STXBP6: variants seen among roughly 807,000 people sequenced by gnomAD.
STXBP6 encodes the protein syntaxin-binding protein 6.
In STXBP6, 21 loss-of-function variants were observed where a neutral mutation model predicts 26.9. The ratio of observed to expected loss-of-function variants is 0.78; its 90% CI spans 0.55 to 1.12. STXBP6 has a LOEUF of 1.12. Ranked by LOEUF, STXBP6 falls within the 50% of genes most tolerant of loss-of-function variation. STXBP6 has a pLI of 0.00. For synonymous variants in STXBP6, 97 were observed against 92.6 expected (o/e 1.05, Z -0.27); for missense variants, 232 against 257.9 (o/e 0.90, Z 0.69).
chr14:24,904,678 G>C (rs374544700), intron 2 of STXBP6, among the ~76,000 whole-genome samples: 12 of 152,254 alleles, frequency 7.9e-5, no homozygotes, highest in African/African-American at 2.4e-4. Flanking sequence ...TGACCACAGA[G>C]GAAAGGGCAT....
chr14:24,834,916 C>T (rs1052222844), intron 4 of STXBP6, among the ~76,000 whole-genome samples: 5 of 152,132 alleles, frequency 3.3e-5, no homozygotes, highest in African/African-American at 1.2e-4. Context: ...AAAAGTGCTT[C>T]TCAAGAGTTT....
rs905919780 is a variant in STXBP6 at position 24,987,881 on chromosome 14, C to T, written c.-32-13031G>A. ...GAGCAAAGCTGGAATAAGATACACA[C>T]TTACTCATTCAATATCACTGCATTG... On this transcript the variant is annotated intron_variant, in intron 1 of 5. Transcript: ENST00000323944. 7.1e-6 allele frequency: 7 copies of T among 985,288 alleles called. No individual in the cohort carries two copies. The African/African-American group carries it at 1.2e-4, about 17-fold the overall frequency. The allele number at this position is 985,288 out of a possible 1,614,324, so 61.0% of individuals were successfully genotyped here. A position where few individuals can be genotyped will look rare whatever the true frequency, so the allele number is the denominator to read the frequency against.
chr14:24,843,033 A>G (rs1440196170), intron 4 of STXBP6, among the ~76,000 whole-genome samples: 1 of 152,164 alleles, frequency 6.6e-6, no homozygotes, highest in African/African-American at 2.4e-5. Context: ...TTCTCTCTCT[A>G]ATGGGGCAGG....
intron 2 of STXBP6, among the ~76,000 whole-genome samples, chr14:24,936,156 C>T (rs2072589682): frequency 6.6e-6 from 1 of 152,166 alleles, no homozygotes; most frequent in South Asian, 2.1e-4. Flanking sequence ...AACTTTACAG[C>T]CATTTGAGAG....
intron 4 of STXBP6, among the ~76,000 whole-genome samples, chr14:24,845,442 T>C (rs2068930699): frequency 6.6e-6 from 1 of 152,170 alleles, no homozygotes; most frequent in Non-Finnish European, 1.5e-5. Flanking sequence ...AGTAAGGAAC[T>C]TTTTGATATT....
intron 4 of STXBP6, 84 bp from the exon 5 acceptor site, chr14:24,819,278 G>C: frequency 6.5e-7 from 1 of 1,529,394 alleles, no homozygotes; most frequent in Non-Finnish European, 9.0e-7. Flanking sequence ...TATCCTGTAA[G>C]AGGAAGGCAG....
chr14:24,910,085 C>T (rs1395487059), intron 2 of STXBP6, among the ~76,000 whole-genome samples: 1 of 151,998 alleles, frequency 6.6e-6, no homozygotes, highest in Admixed American at 6.6e-5. Context: ...CGCACCCATC[C>T]ACACTGGCCT....
intron 2 of STXBP6, among the ~76,000 whole-genome samples, chr14:24,971,401 T>C (rs1410427487): frequency 3.3e-5 from 5 of 152,250 alleles, no homozygotes; most frequent in Non-Finnish European, 7.3e-5. Flanking sequence ...GACATTGTCC[T>C]AATTTGGACA....
rs532874221 is a variant in STXBP6, at chr14:24,858,794, C to T, written c.155-1637G>A. On this transcript the variant is annotated intron_variant, in intron 2 of 5. Coordinates refer to ENST00000323944, the MANE Select transcript of STXBP6 (RefSeq NM_001394410.1). ...TTTTAATGTTAAAGAAAACAATACA[C>T]CTGGAATACAGGCAGGTCTTAAAAT... Among the ~76,000 whole-genome samples, 6 of 152,122 alleles carry T rather than the reference C, an allele frequency of 3.9e-5. No homozygotes were observed. In the East Asian group the frequency reaches 1.2e-3, roughly 29 times the overall value.
At chr14:24,898,731 C>T (rs991851364) in intron 2 of STXBP6, among the ~76,000 whole-genome samples, 1 of 152,102 alleles carries the variant, frequency 6.6e-6, no homozygotes. Context: ...GGTTTGAGTG[C>T]TGTCAGCCAC....
At chr14:24,820,756 G>A (rs897711295) in intron 4 of STXBP6, among the ~76,000 whole-genome samples, 1 of 152,180 alleles carries the variant, frequency 6.6e-6, no homozygotes, top group Non-Finnish European at 1.5e-5. Context: ...TCACAATTCT[G>A]CTGATAGGAT....
chr14:25,022,836 C>T (rs74411872), intron 1 of STXBP6, among the ~76,000 whole-genome samples: 5,957 of 152,236 alleles, frequency 0.039, 358 homozygotes, highest in African/African-American at 0.12. Flanking sequence ...TACTCAACAT[C>T]ACCACTTGGA....
At chr14:24,933,231 A>C (rs1420595117) in intron 2 of STXBP6, among the ~76,000 whole-genome samples, 1 of 152,178 alleles carries the variant, frequency 6.6e-6, no homozygotes, top group Non-Finnish European at 1.5e-5. Context: ...AGTCCCAACT[A>C]CTTGGGAGGC....
intron 2 of STXBP6, among the ~76,000 whole-genome samples, chr14:24,906,108 C>T (rs2071377550): frequency 6.6e-6 from 1 of 152,072 alleles, no homozygotes; most frequent in South Asian, 2.1e-4. Context: ...GTTTCCCATC[C>T]AAATAATTAG....
At chr14:24,814,814 G>A (rs976203536) in intron 5 of STXBP6, among the ~76,000 whole-genome samples, 2 of 152,112 alleles carry the variant, frequency 1.3e-5, no homozygotes, top group South Asian at 2.1e-4. Flanking sequence ...TGGCTGAAGC[G>A]AGACCCCTCA....
At chr14:25,045,305 A>G (rs1318384373) in intron 1 of STXBP6, among the ~76,000 whole-genome samples, 4 of 152,282 alleles carry the variant, frequency 2.6e-5, no homozygotes, top group Admixed American at 1.3e-4. Flanking sequence ...AATCTCTACA[A>G]GAGGAAAAAA....
chr14:24,822,056 T>C (rs1417797580), intron 4 of STXBP6, among the ~76,000 whole-genome samples: 1 of 152,180 alleles, frequency 6.6e-6, no homozygotes, highest in Non-Finnish European at 1.5e-5. Context: ...CACTAGGTCA[T>C]GCTGCTGAGC....
At chr14:24,977,296 A>G (rs1003072331) in intron 1 of STXBP6, among the ~76,000 whole-genome samples, 2 of 152,200 alleles carry the variant, frequency 1.3e-5, no homozygotes, top group African/African-American at 4.8e-5. Context: ...AATCTGTCAG[A>G]AAAAGGAAAG....
intron 1 of STXBP6, among the ~76,000 whole-genome samples, chr14:25,000,024 T>C (rs942561869): frequency 6.6e-6 from 1 of 152,194 alleles, no homozygotes; most frequent in Non-Finnish European, 1.5e-5. Context: ...CATATTGGCC[T>C]GAGATAATTT....
Sources: allele counts gnomAD v4.1 joint callset (sites outside exome capture counted in the v4.1 genomes callset), GRCh38; gene constraint gnomAD v4.1.1; transcripts MANE v1.5; gene names NCBI Gene and HGNC (gene_info 2026-07-23, HGNC 2026-07-21).